Variants in SLX4IP observed in about 807,000 individuals in gnomAD.
SLX4IP encodes the protein protein SLX4IP.
SLX4IP carries 34 observed loss-of-function variants against 32.9 expected under a neutral mutation model. The observed-to-expected ratio is 1.03, with a 90% CI of 0.79 to 1.38. The LOEUF (loss-of-function observed/expected upper bound fraction) is 1.38, where lower values mean the gene tolerates loss of function less well. Ranked by LOEUF, SLX4IP falls within the 40% of genes most tolerant of loss-of-function variation. The pLI, the probability that SLX4IP is intolerant of heterozygous loss-of-function variation, is 0.00. For missense variants in SLX4IP, 444 were observed against 479.0 expected (o/e 0.93, Z 0.68); for synonymous variants, 172 against 171.7 (o/e 1.00, Z -0.01).
chr20:10,450,819 TC>T (rs765881615), intron 1 of SLX4IP, among the ~76,000 whole-genome samples: 3 of 152,226 alleles, frequency 2.0e-5, no homozygotes, highest in Non-Finnish European at 4.4e-5. Flanking sequence ...TGGTGCGATC[TC>T]GGCTCACTGC....
intron 1 of SLX4IP, among the ~76,000 whole-genome samples, chr20:10,449,378 C>G (rs1466364852): frequency 6.6e-6 from 1 of 152,182 alleles, no homozygotes; most frequent in Non-Finnish European, 1.5e-5. Context: ...ACACATGTAG[C>G]TTCATTTGAG....
At chr20:10,445,612 G>A (rs938381937) in intron 1 of SLX4IP, among the ~76,000 whole-genome samples, 5 of 146,412 alleles carry the variant, frequency 3.4e-5, no homozygotes, top group African/African-American at 1.3e-4. Flanking sequence ...ACCATGCCCA[G>A]CCGATGAGAT....
chr20:10,521,557 G>C (rs2065901216), intron 2 of SLX4IP, among the ~76,000 whole-genome samples: 1 of 152,054 alleles, frequency 6.6e-6, no homozygotes, highest in Non-Finnish European at 1.5e-5. Flanking sequence ...TTCTTTTCCT[G>C]CTCAAGGCTA....
intron 2 of SLX4IP, among the ~76,000 whole-genome samples, chr20:10,487,930 G>A (rs762489671): frequency 2.0e-5 from 3 of 152,152 alleles, no homozygotes; most frequent in Non-Finnish European, 4.4e-5. Context: ...CCTGGCATTT[G>A]AATGTTTCAT....
chr20:10,479,237 T>A (rs2065500322), intron 2 of SLX4IP, among the ~76,000 whole-genome samples: 1 of 152,248 alleles, frequency 6.6e-6, no homozygotes, highest in South Asian at 2.1e-4. Context: ...AATGAAAATC[T>A]GTATTGTATA....
At chr20:10,581,370 G>A (rs1299223492) in intron 4 of SLX4IP, among the ~76,000 whole-genome samples, 1 of 152,126 alleles carries the variant, frequency 6.6e-6, no homozygotes, top group Non-Finnish European at 1.5e-5. Context: ...GGAGACATCT[G>A]CCACTGAGAA....
chr20:10,608,987 T>A (rs1004194421), intron 6 of SLX4IP, among the ~76,000 whole-genome samples: 14 of 152,180 alleles, frequency 9.2e-5, no homozygotes, highest in African/African-American at 3.1e-4. Flanking sequence ...AAACCCCCAT[T>A]TAGCCAGCCA....
At chr20:10,462,989 G>A (rs1327580786) in intron 2 of SLX4IP, among the ~76,000 whole-genome samples, 1 of 152,182 alleles carries the variant, frequency 6.6e-6, no homozygotes, top group Non-Finnish European at 1.5e-5. Flanking sequence ...GGAGGCTGAG[G>A]CAGAAGATTT....
At position 10,587,536 on chromosome 20, in the gene SLX4IP, G is replaced by A. The variant is rs557441906; in HGVS notation, c.239-11139G>A. ...GGAGATGAAGAAAAGTCCCTTTTTT[G>A]GTACATGGTATGATTGTATATGCAG... On this transcript the variant is annotated intron_variant, in intron 4 of 7. Transcript: ENST00000334534. 2.0e-5 allele frequency among the ~76,000 whole-genome samples: 3 copies of A among 151,922 alleles called. No homozygotes were observed. The East Asian group carries it at 5.8e-4, about 29-fold the overall frequency.
At chr20:10,454,940 C>G (rs1437970939) in intron 1 of SLX4IP, among the ~76,000 whole-genome samples, 1 of 152,114 alleles carries the variant, frequency 6.6e-6, no homozygotes, top group African/African-American at 2.4e-5. Flanking sequence ...AGCTATTTAT[C>G]TTAATGGGTA....
intron 2 of SLX4IP, among the ~76,000 whole-genome samples, chr20:10,525,716 C>T (rs745362891): frequency 1.3e-5 from 2 of 152,148 alleles, no homozygotes; most frequent in African/African-American, 4.8e-5. Context: ...GGTAATGGAC[C>T]AGCACATTTC....
Position 10,552,019 on chromosome 20 carries a change from T to C in SLX4IP, c.28-4212T>C, listed in dbSNP as rs193271702. On this transcript the variant is annotated intron_variant, in intron 2 of 7. Coordinates refer to ENST00000334534, the MANE Select transcript of SLX4IP (RefSeq NM_001009608.3). ...AAGAGAGAAGTGTGTGTGAGAACGC[T>C]CTAAAAAATTAAAATGGACAAGATG... is the stretch of plus-strand genomic sequence containing the variant. 2.4e-3 allele frequency among the ~76,000 whole-genome samples: 361 copies of C among 152,246 alleles called. 8 individuals are homozygous for C. The highest frequency in any genetic ancestry group is 0.022 in the Admixed American group (331 of 15,294).
chr20:10,578,930 T>C (rs1281316504), intron 4 of SLX4IP, among the ~76,000 whole-genome samples: 1 of 152,246 alleles, frequency 6.6e-6, no homozygotes, highest in Non-Finnish European at 1.5e-5. Flanking sequence ...TTAGTCTTTT[T>C]ATTGAGTTAT....
chr20:10,466,437 C>T (rs1026510673), intron 2 of SLX4IP, among the ~76,000 whole-genome samples: 3 of 152,210 alleles, frequency 2.0e-5, no homozygotes, highest in Admixed American at 6.5e-5. Context: ...GCTTTCTCTG[C>T]TGCTTCCCTT....
chr20:10,478,904 G>T (rs2065496603), intron 2 of SLX4IP, among the ~76,000 whole-genome samples: 1 of 152,228 alleles, frequency 6.6e-6, no homozygotes, highest in Admixed American at 6.5e-5. Context: ...GGGATGGGGT[G>T]AGATGGTATG....
At chr20:10,602,906 G>C (rs1368291795) in intron 6 of SLX4IP, among the ~76,000 whole-genome samples, 2 of 152,172 alleles carry the variant, frequency 1.3e-5, no homozygotes, top group Non-Finnish European at 2.9e-5. Context: ...TCTGCGTTTG[G>C]TGCAGAGGAA....
At chr20:10,519,265 T>C (rs1013641169) in intron 2 of SLX4IP, among the ~76,000 whole-genome samples, 1 of 152,220 alleles carries the variant, frequency 6.6e-6, no homozygotes, top group Non-Finnish European at 1.5e-5. Context: ...CAGTAGTTTT[T>C]AGTATCTTCA....
chr20:10,457,983 C>T (rs1206862356), intron 1 of SLX4IP, among the ~76,000 whole-genome samples, 193 bp from the exon 2 acceptor site: 1 of 151,816 alleles, frequency 6.6e-6, no homozygotes, highest in East Asian at 1.9e-4. Context: ...TGGCCAGGGC[C>T]TGTCCTTTTA....
intron 2 of SLX4IP, among the ~76,000 whole-genome samples, chr20:10,507,796 C>T (rs1353709861): frequency 1.3e-5 from 2 of 151,632 alleles, no homozygotes; most frequent in African/African-American, 4.8e-5. Flanking sequence ...TGCCAACCAC[C>T]CAGAATTTAC....
Sources: allele counts gnomAD v4.1 joint callset (sites outside exome capture counted in the v4.1 genomes callset), GRCh38; gene constraint gnomAD v4.1.1; transcripts MANE v1.5; gene names NCBI Gene and HGNC (gene_info 2026-07-23, HGNC 2026-07-21).